The following EPB41L5 variants were observed in gnomAD, a reference collection of about 807,000 sequenced individuals.
EPB41L5 encodes erythrocyte membrane protein band 4.1 like 5.
In EPB41L5, 55 loss-of-function variants were observed where a neutral mutation model predicts 106.6. The observed-to-expected ratio is 0.52, with a 90% CI of 0.42 to 0.65. The LOEUF (loss-of-function observed/expected upper bound fraction) is 0.65, where lower values mean the gene tolerates loss of function less well. Ranked by LOEUF, EPB41L5 falls within the 30% of genes least tolerant of loss-of-function variation. The pLI is 0.00. For missense variants in EPB41L5, 871 were observed against 882.1 expected (o/e 0.99, Z 0.16); for synonymous variants, 297 against 306.7 (o/e 0.97, Z 0.33).
chr2:120,116,390 TTGAGTCTTCTGCACCAATC>T (rs1485316425), intron 16 of EPB41L5, among the ~76,000 whole-genome samples: 14 of 152,222 alleles, frequency 9.2e-5, no homozygotes, highest in African/African-American at 3.4e-4. Flanking sequence ...AAGGAGGTAA[TTGAGTCTTCTGCACCAATC>T]TGGTTCTTAA....
chr2:120,140,976 A>G (rs978296283), intron 18 of EPB41L5, among the ~76,000 whole-genome samples: 2 of 152,092 alleles, frequency 1.3e-5, no homozygotes, highest in South Asian at 2.1e-4. Flanking sequence ...GATTTGTTGG[A>G]TGACTTGCCC....
intron 3 of EPB41L5, among the ~76,000 whole-genome samples, chr2:120,052,019 G>A (rs1680323497): frequency 6.6e-6 from 1 of 152,136 alleles, no homozygotes; most frequent in Admixed American, 6.5e-5. Context: ...TACAGACAGG[G>A]TTTCACCACA....
chr2:120,112,403 A>G lies in EPB41L5; in HGVS notation c.1337+11589A>G, dbSNP rs545242828. On this transcript the variant is annotated intron_variant, in intron 16 of 24. Transcript: ENST00000263713. ...ATATTATTTGATTGAATCAATGAATACCAAGCATGTCTTGGCACATCTGGT... is the reference window on the plus strand; with the variant it reads ...ATATTATTTGATTGAATCAATGAATGCCAAGCATGTCTTGGCACATCTGGT... Among the ~76,000 whole-genome samples, 8 of 152,350 alleles carry G rather than the reference A, an allele frequency of 5.3e-5. No homozygotes were observed. The East Asian group carries it at 1.3e-3, about 26-fold the overall frequency.
intron 16 of EPB41L5, chr2:120,108,445 G>T (rs948911646): frequency 6.6e-6 from 1 of 152,058 alleles, no homozygotes; most frequent in Admixed American, 6.6e-5. Context: ...GTAAGAAATT[G>T]CAGATTCCTT....
chr2:120,104,240 A>C, intron 16 of EPB41L5: 1 of 1,535,132 alleles, frequency 6.5e-7, no homozygotes, highest in Non-Finnish European at 8.7e-7. Context: ...CTGAGATATG[A>C]GTGTTGAGCC....
intron 16 of EPB41L5, chr2:120,106,415 T>C (rs979153359): frequency 1.0e-6 from 1 of 985,220 alleles, no homozygotes; most frequent in Non-Finnish European, 1.2e-6. Flanking sequence ...TCCAGAGCTC[T>C]CAGGTATTTA....
intron 2 of EPB41L5, among the ~76,000 whole-genome samples, chr2:120,035,037 C>T (rs1249744537): frequency 6.6e-6 from 1 of 152,176 alleles, no homozygotes; most frequent in Non-Finnish European, 1.5e-5. Context: ...TTTAAACGCA[C>T]ATACACAGTT....
chr2:120,164,184 G>A (rs1339194624), intron 21 of EPB41L5, among the ~76,000 whole-genome samples: 4 of 151,430 alleles, frequency 2.6e-5, no homozygotes, highest in Non-Finnish European at 4.4e-5. Context: ...GAGTTTCACC[G>A]TGTTAGCCAG....
chr2:120,017,494 T>C (rs985630968), intron 1 of EPB41L5, among the ~76,000 whole-genome samples: 3 of 152,222 alleles, frequency 2.0e-5, no homozygotes, highest in African/African-American at 4.8e-5. Flanking sequence ...TTAAACTCTC[T>C]TTGTTGTGCA....
chr2:120,142,119 A>ATTTT lies in EPB41L5; in HGVS notation c.1600-884_1600-883insTTTT, dbSNP rs771389616. On this transcript the variant is annotated intron_variant, in intron 18 of 24. Transcript: ENST00000263713. ...GTCTCTGTGCTTTCTTTTTTAAAAAAAAAAAAAAAAAAAAACAAGGTAAAA... is the reference window on the plus strand; with the variant it reads ...GTCTCTGTGCTTTCTTTTTTAAAAAATTTTAAAAAAAAAAAAAAACAAGGTAAAA... Among the ~76,000 whole-genome samples, 1,099 of 142,392 alleles carry ATTTT rather than the reference A, an allele frequency of 7.7e-3. 10 individuals carry two copies. The highest frequency in any genetic ancestry group is 0.027 in the African/African-American group (1,026 of 37,908). The allele number at this position is 142,392 out of a possible 152,430, so 93.4% of individuals were successfully genotyped here.
At chr2:120,081,157 G>A (rs1237109123) in intron 10 of EPB41L5, among the ~76,000 whole-genome samples, 2 of 152,026 alleles carry the variant, frequency 1.3e-5, no homozygotes, top group Non-Finnish European at 2.9e-5. Flanking sequence ...CATTGCTTTT[G>A]GTGTTTTAGA....
chr2:120,059,794 G>A (rs776057553), intron 3 of EPB41L5, among the ~76,000 whole-genome samples: 5 of 152,102 alleles, frequency 3.3e-5, no homozygotes, highest in Non-Finnish European at 7.4e-5. Context: ...TGGGCAGGAG[G>A]ATTGCTTAAG....
At chr2:120,148,607 A>T (rs1348347211) in intron 20 of EPB41L5, among the ~76,000 whole-genome samples, 1 of 152,170 alleles carries the variant, frequency 6.6e-6, no homozygotes, top group Non-Finnish European at 1.5e-5. Context: ...CAATGGAATT[A>T]TACGTGTCCT....
intron 1 of EPB41L5, among the ~76,000 whole-genome samples, chr2:120,017,996 C>G (rs1157615427): frequency 6.9e-6 from 1 of 145,910 alleles, no homozygotes; most frequent in East Asian, 2.0e-4. Context: ...GAGTCTTGCT[C>G]TGTCGCCCAG....
intron 20 of EPB41L5, among the ~76,000 whole-genome samples, chr2:120,153,602 T>C (rs1393728385): frequency 1.3e-5 from 2 of 152,216 alleles, no homozygotes; most frequent in Admixed American, 6.5e-5. Context: ...AAATATCAAG[T>C]TACTATTATA....
chr2:120,028,588 G>GA (rs1678495042), intron 2 of EPB41L5, among the ~76,000 whole-genome samples: 2 of 152,078 alleles, frequency 1.3e-5, no homozygotes, highest in Admixed American at 6.6e-5. Context: ...TGTTACAGAA[G>GA]AAAAAATCAT....
chr2:120,115,307 T>C (rs1295660030), intron 16 of EPB41L5, among the ~76,000 whole-genome samples: 1 of 152,238 alleles, frequency 6.6e-6, no homozygotes, highest in African/African-American at 2.4e-5. Context: ...CTGTATGTCA[T>C]GTCTTTTTTT....
At chr2:120,151,303 AAAT>A (rs758794816) in intron 20 of EPB41L5, among the ~76,000 whole-genome samples, 13 of 152,056 alleles carry the variant, frequency 8.5e-5, no homozygotes, top group African/African-American at 2.7e-4. Context: ...CCATCTCAAA[AAAT>A]AATAATAATA....
intron 18 of EPB41L5, among the ~76,000 whole-genome samples, chr2:120,141,582 G>T (rs566088648): frequency 6.6e-6 from 1 of 152,078 alleles, no homozygotes; most frequent in Non-Finnish European, 1.5e-5. Context: ...AATTCAAAGG[G>T]TTCAAAAGGG....
Sources: gnomAD v4.1 joint callset for allele counts (sites outside exome capture counted in the v4.1 genomes callset) on GRCh38, gnomAD v4.1.1 for gene constraint, MANE v1.5 for transcripts, NCBI Gene and HGNC (gene_info 2026-07-23, HGNC 2026-07-21) for gene names.